The following CSMD3 variants were observed in gnomAD, a reference collection of about 807,000 sequenced individuals.
CSMD3 encodes the protein CUB and sushi domain-containing protein 3.
In CSMD3, 177 loss-of-function variants were observed where a neutral mutation model predicts 435.2. That is an observed-to-expected ratio of 0.41 (90% CI 0.36 to 0.46). The LOEUF (loss-of-function observed/expected upper bound fraction) is 0.46, where lower values mean the gene tolerates loss of function less well. Among genes scored for constraint, CSMD3 ranks in the 20% least tolerant of loss-of-function variants. The pLI is 0.34. For missense variants in CSMD3, 4,265 were observed against 4,504.6 expected, an observed-to-expected ratio of 0.95 and a Z score of 1.52; for synonymous variants, 1,656 against 1,520.5, an observed-to-expected ratio of 1.09 and a Z score of -2.07.
intron 11 of CSMD3, among the ~76,000 whole-genome samples, chr8:112,833,618 AG>A (rs1482350887): frequency 6.6e-6 from 1 of 152,016 alleles, no homozygotes; most frequent in African/African-American, 2.4e-5. Flanking sequence ...AATGTTTACT[AG>A]AACAGATGAC....
chr8:112,580,406 A>G (rs1436766147), intron 23 of CSMD3, among the ~76,000 whole-genome samples: 1 of 152,006 alleles, frequency 6.6e-6, no homozygotes, highest in Non-Finnish European at 1.5e-5. Context: ...TTTCTTAGAC[A>G]GGACCTTGCA....
At chr8:113,302,251 A>G (rs2093775803) in intron 2 of CSMD3, among the ~76,000 whole-genome samples, 1 of 138,342 alleles carries the variant, frequency 7.2e-6, no homozygotes, top group African/African-American at 2.7e-5. Context: ...TATAATATAT[A>G]TTATATAAAA....
intron 4 of CSMD3, among the ~76,000 whole-genome samples, chr8:113,153,497 C>T (rs984500985): frequency 7.2e-5 from 11 of 151,952 alleles, no homozygotes; most frequent in African/African-American, 2.4e-4. Flanking sequence ...ATTTGAAAAG[C>T]CTTCATCTGT....
intron 4 of CSMD3, among the ~76,000 whole-genome samples, chr8:113,153,755 A>C (rs1192311893): frequency 1.3e-5 from 2 of 152,064 alleles, no homozygotes; most frequent in African/African-American, 4.8e-5. Flanking sequence ...GTTTTTTCTC[A>C]AATTGAGTTG....
At chr8:112,610,420 TC>T (rs1833168079) in intron 22 of CSMD3, among the ~76,000 whole-genome samples, 1 of 152,086 alleles carries the variant, frequency 6.6e-6, no homozygotes. Context: ...TCTTTGGGTC[TC>T]AAATACAGTT....
intron 5 of CSMD3, among the ~76,000 whole-genome samples, chr8:113,087,014 A>G (rs1314296438): frequency 1.3e-5 from 2 of 152,192 alleles, no homozygotes; most frequent in Non-Finnish European, 2.9e-5. Context: ...CGCATAGCAA[A>G]TGAAAGACAC....
chr8:112,369,544 G>C (rs537824217), intron 38 of CSMD3, among the ~76,000 whole-genome samples: 1 of 152,238 alleles, frequency 6.6e-6, no homozygotes, highest in African/African-American at 2.4e-5. Flanking sequence ...AAAAAAGAAT[G>C]AGTTCATGTC....
At chr8:112,838,029 A>G (rs1238853032) in intron 11 of CSMD3, among the ~76,000 whole-genome samples, 2 of 151,850 alleles carry the variant, frequency 1.3e-5, no homozygotes, top group East Asian at 3.9e-4. Context: ...AAGCAAGATG[A>G]ATACAATACC....
intron 1 of CSMD3, among the ~76,000 whole-genome samples, chr8:113,432,024 C>T (rs943713563): frequency 8.5e-5 from 13 of 152,170 alleles, no homozygotes; most frequent in Admixed American, 5.9e-4. Flanking sequence ...AGTAATTCTA[C>T]TCTTTTTCTC....
chr8:113,389,488 T>C (rs970655160), intron 1 of CSMD3, among the ~76,000 whole-genome samples: 1 of 151,748 alleles, frequency 6.6e-6, no homozygotes, highest in Admixed American at 6.6e-5. Context: ...AGACTTTTGA[T>C]GTGCCATATA....
intron 5 of CSMD3, among the ~76,000 whole-genome samples, chr8:113,090,893 A>G (rs1267980287): frequency 3.3e-5 from 5 of 152,088 alleles, no homozygotes; most frequent in African/African-American, 1.2e-4. Context: ...TCACTCTGCT[A>G]AAATATCCTA....
At chr8:113,224,834 C>T (rs1410640430) in intron 3 of CSMD3, among the ~76,000 whole-genome samples, 1 of 150,262 alleles carries the variant, frequency 6.7e-6, no homozygotes, top group Non-Finnish European at 1.5e-5. Context: ...TCTCATTTAC[C>T]TTTGATTATT....
chr8:113,307,952 A>G (rs1242186818), intron 2 of CSMD3, among the ~76,000 whole-genome samples: 1 of 152,112 alleles, frequency 6.6e-6, no homozygotes, highest in Admixed American at 6.6e-5. Context: ...CTACCTAATA[A>G]CCAAACATTT....
intron 3 of CSMD3, among the ~76,000 whole-genome samples, chr8:113,194,730 T>G (rs2092631085): frequency 6.6e-6 from 1 of 151,214 alleles, no homozygotes; most frequent in South Asian, 2.1e-4. Context: ...TTTTTTAAAT[T>G]TTTCGAAAAA....
intron 10 of CSMD3, among the ~76,000 whole-genome samples, chr8:112,905,413 T>C (rs549712252): frequency 4.4e-4 from 66 of 151,410 alleles, no homozygotes; most frequent in Non-Finnish European, 8.6e-4. Flanking sequence ...CATGTGTTTC[T>C]TGTGGTTGTG....
At chr8:113,335,543 T>C (rs980236447) in intron 1 of CSMD3, among the ~76,000 whole-genome samples, 1 of 140,722 alleles carries the variant, frequency 7.1e-6, no homozygotes, top group South Asian at 2.3e-4. Context: ...CCTTCTTTTT[T>C]TTTTTTTTTT....
chr8:113,388,502 C>G (rs1028986632), intron 1 of CSMD3, among the ~76,000 whole-genome samples: 8 of 151,454 alleles, frequency 5.3e-5, no homozygotes, highest in Non-Finnish European at 1.0e-4. Context: ...CCTTTTTTAG[C>G]CATTTGATTG....
At chr8:113,087,970 G>A (rs2089860746) in intron 5 of CSMD3, among the ~76,000 whole-genome samples, 1 of 150,016 alleles carries the variant, frequency 6.7e-6, no homozygotes, top group Admixed American at 6.7e-5. Context: ...TCTGACAAAG[G>A]GCTAATATCC....
intron 3 of CSMD3, among the ~76,000 whole-genome samples, chr8:113,269,758 A>G (rs555473952): frequency 6.6e-6 from 1 of 152,296 alleles, no homozygotes; most frequent in Non-Finnish European, 1.5e-5. Flanking sequence ...CTGGCTAGCC[A>G]TATGTAGAAA....
Sources: gnomAD v4.1 joint callset for allele counts (sites outside exome capture counted in the v4.1 genomes callset) on GRCh38, gnomAD v4.1.1 for gene constraint, MANE v1.5 for transcripts, NCBI Gene and HGNC (gene_info 2026-07-23, HGNC 2026-07-21) for gene names.